Variants in TMOD3 observed in about 807,000 individuals in gnomAD.
TMOD3 encodes tropomodulin-3.
A neutral mutation model predicts 39.2 loss-of-function variants in TMOD3; 20 were observed. The observed-to-expected ratio is 0.51, with a 90% confidence interval of 0.36 to 0.74. The LOEUF (loss-of-function observed/expected upper bound fraction) is 0.74. Ranked by LOEUF, TMOD3 falls within the 30% of genes least tolerant of loss-of-function variation. The pLI, the probability that TMOD3 is intolerant of heterozygous loss-of-function variation, is 0.00. For missense variants in TMOD3, 381 were observed against 412.8 expected, an observed-to-expected ratio of 0.92 and a Z score of 0.67; for synonymous variants, 143 against 145.8, an observed-to-expected ratio of 0.98 and a Z score of 0.14.
At chr15:51,908,011 A>G (rs1007926238) in intron 9 of TMOD3, among the ~76,000 whole-genome samples, 1 of 152,208 alleles carries the variant, frequency 6.6e-6, no homozygotes, top group African/African-American at 2.4e-5. Flanking sequence ...TTGTTGTTTT[A>G]TCAGACCCTG....
intron 3 of TMOD3, among the ~76,000 whole-genome samples, chr15:51,878,158 G>GT (rs1404838862): frequency 1.3e-5 from 2 of 152,228 alleles, no homozygotes; most frequent in African/African-American, 2.4e-5. Context: ...AATAAGCTAG[G>GT]TAATCACAGG....
chr15:51,885,333 C>G (rs945285355), intron 3 of TMOD3, among the ~76,000 whole-genome samples: 2 of 139,666 alleles, frequency 1.4e-5, no homozygotes, highest in Non-Finnish European at 3.0e-5. Flanking sequence ...GGGTGTCTCT[C>G]GGAGAGGGGG....
chr15:51,874,739 G>T (rs941041951), intron 3 of TMOD3, among the ~76,000 whole-genome samples: 1 of 151,964 alleles, frequency 6.6e-6, no homozygotes, highest in Non-Finnish European at 1.5e-5. Context: ...ATCATGCTCC[G>T]CCCTTACCTA....
chr15:51,849,931 C>T (rs1019530880), intron 1 of TMOD3, among the ~76,000 whole-genome samples: 1 of 148,572 alleles, frequency 6.7e-6, no homozygotes, highest in African/African-American at 2.5e-5. Flanking sequence ...GAGACTCTGT[C>T]TCAATAAAAA....
intron 3 of TMOD3, among the ~76,000 whole-genome samples, chr15:51,885,492 C>T (rs1383814355): frequency 6.6e-6 from 1 of 152,078 alleles, no homozygotes; most frequent in African/African-American, 2.4e-5. Context: ...GGTGATGACT[C>T]TCAACGAGCA....
chr15:51,848,605 C>G (rs1212056347), intron 1 of TMOD3, among the ~76,000 whole-genome samples: 1 of 152,142 alleles, frequency 6.6e-6, no homozygotes, highest in Non-Finnish European at 1.5e-5. Context: ...TAAATTGAAG[C>G]AGATACTTGG....
rs188451104 is a variant in TMOD3 at position 51,860,313 on chromosome 15, A to T, written c.-74-2498A>T. The T allele has an allele frequency of 5.8e-5, 31 of 535,420 alleles. 1 individual carries two copies. The Admixed American group carries it at 5.8e-4, about 10-fold the overall frequency. 33.2% of individuals were successfully genotyped at this position (535,420 alleles called of 1,614,324 possible). A position where few individuals can be genotyped will look rare whatever the true frequency, so the allele number is the denominator to read the frequency against. On this transcript the variant is annotated intron_variant, in intron 1 of 9. Coordinates refer to ENST00000308580, the MANE Select transcript of TMOD3 (RefSeq NM_014547.5). The stretch of plus-strand genomic sequence containing the variant: ...AATTATGCTTACAGAATTTTCATAG[A>T]TGATCCGTGCCAATTTGCCCTTAAG...
At position 51,893,589 on chromosome 15, in the gene TMOD3, C is replaced by T. The variant is rs58375006; in HGVS notation, c.497-226C>T. ...GACCATCCTGGCTAACATGGTGAAACCCCGTCTCTACTAAAAATACAAAAA... is the reference window on the plus strand; with the variant it reads ...GACCATCCTGGCTAACATGGTGAAATCCCGTCTCTACTAAAAATACAAAAA... On this transcript the variant is annotated intron_variant, in intron 5 of 9. Transcript: ENST00000308580. 3.5e-3 allele frequency among the ~76,000 whole-genome samples: 532 copies of T among 152,028 alleles called. 4 individuals are homozygous for T. Among genetic ancestry groups the T allele is most frequent in the African/African-American group, 0.012 (504 of 41,496 alleles).
chr15:51,844,116 G>A (rs568063666), intron 1 of TMOD3, among the ~76,000 whole-genome samples: 1 of 152,236 alleles, frequency 6.6e-6, no homozygotes, highest in African/African-American at 2.4e-5. Context: ...AATGCACATG[G>A]TACAAAACTC....
chr15:51,836,802 G>T (rs1157559237), intron 1 of TMOD3, among the ~76,000 whole-genome samples: 1 of 151,596 alleles, frequency 6.6e-6, no homozygotes, highest in Admixed American at 6.6e-5. Context: ...CACCCTTTTT[G>T]AGCTATAAAG....
chr15:51,882,236 G>C (rs576512049), intron 3 of TMOD3, among the ~76,000 whole-genome samples: 83 of 151,978 alleles, frequency 5.5e-4, no homozygotes, highest in Admixed American at 8.5e-4. Context: ...TGTGAGGTAA[G>C]GATTCAGCTT....
intron 1 of TMOD3, among the ~76,000 whole-genome samples, chr15:51,835,809 C>A (rs118068183): frequency 0.015 from 2,219 of 152,272 alleles, 82 homozygotes; most frequent in East Asian, 0.072. Flanking sequence ...TTCCTCATTT[C>A]TTTCCAGGCC....
At chr15:51,859,412 A>T in intron 1 of TMOD3, 1 of 677,774 alleles carries the variant, frequency 1.5e-6, no homozygotes, top group Non-Finnish European at 2.8e-6. Flanking sequence ...ATCTTGCAGG[A>T]TTCTTGCTGT....
At chr15:51,848,563 G>C (rs1264716281) in intron 1 of TMOD3, among the ~76,000 whole-genome samples, 1 of 152,152 alleles carries the variant, frequency 6.6e-6, no homozygotes, top group African/African-American at 2.4e-5. Context: ...AAACAGAAAA[G>C]GGAATGTCAA....
chr15:51,840,918 T>C (rs955758306), intron 1 of TMOD3, among the ~76,000 whole-genome samples: 1 of 152,366 alleles, frequency 6.6e-6, no homozygotes, highest in Middle Eastern at 3.4e-3. Flanking sequence ...AATTTACTTC[T>C]GTTAATGTGT....
chr15:51,893,884 G>A lies in TMOD3; in HGVS notation c.566G>A (p.Ser189Asn). 6.2e-7 allele frequency: 1 copy of A among 1,610,910 alleles called. No homozygotes were observed. Among genetic ancestry groups the A allele is most frequent in the Non-Finnish European group, 8.5e-7 (1 of 1,178,192 alleles). The stretch of plus-strand genomic sequence containing the variant: ...CCAAATCCAACCAATGTAGAAGAGA[G>A]TTTGAAGAGAACTAAAGAAAACGAT... ...EPPNPTNVEE[S>N]LKRTKENDAH... Residue 189 changes from serine to asparagine, a missense_variant, in exon 6 of 10, where the codon AGT (serine) becomes AAT (asparagine). Physicochemically the swap from Ser to Asn is conservative, Grantham distance 46 (BLOSUM62 1). Transcript: ENST00000308580.
chr15:51,886,394 C>T (rs1016264777), intron 3 of TMOD3, among the ~76,000 whole-genome samples: 1 of 152,230 alleles, frequency 6.6e-6, no homozygotes, highest in African/African-American at 2.4e-5. Flanking sequence ...ACTGAGTGAG[C>T]GAGACTCCGT....
chr15:51,899,522 C>T (rs1340321025), intron 7 of TMOD3, among the ~76,000 whole-genome samples: 4 of 151,608 alleles, frequency 2.6e-5, no homozygotes, highest in Admixed American at 1.3e-4. Flanking sequence ...AAAAATTAGC[C>T]GGGCATGGTG....
intron 7 of TMOD3, among the ~76,000 whole-genome samples, chr15:51,898,358 G>T (rs148512992): frequency 2.6e-5 from 4 of 152,084 alleles, no homozygotes; most frequent in Admixed American, 1.3e-4. Context: ...TTTCCTGACC[G>T]TGCTATATAA....
Sources: allele counts gnomAD v4.1 joint callset (sites outside exome capture counted in the v4.1 genomes callset), GRCh38; gene constraint gnomAD v4.1.1; transcripts MANE v1.5; gene names NCBI Gene and HGNC (gene_info 2026-07-23, HGNC 2026-07-21).